Variants in KCNT2 observed in about 807,000 individuals in gnomAD.
KCNT2 encodes potassium channel subfamily T member 2.
In KCNT2, 67 loss-of-function variants were observed where a neutral mutation model predicts 153.8. The observed-to-expected ratio is 0.44, with a 90% confidence interval of 0.36 to 0.53. KCNT2 has a LOEUF of 0.53. KCNT2 is among the 20% of genes least tolerant of loss of function. The probability of loss-of-function intolerance (pLI) is 0.00; values close to 1 mark genes in which losing one functional copy is unlikely to be tolerated. For missense variants in KCNT2, 975 were observed against 1,354.8 expected, an observed-to-expected ratio of 0.72 and a Z score of 4.40; for synonymous variants, 500 against 458.8, an observed-to-expected ratio of 1.09 and a Z score of -1.15.
At chr1:196,426,798 T>C (rs1673690922) in intron 10 of KCNT2, among the ~76,000 whole-genome samples, 1 of 152,006 alleles carries the variant, frequency 6.6e-6, no homozygotes, top group African/African-American at 2.4e-5. Flanking sequence ...AGGGGCCTGA[T>C]GGGAGATGAC....
chr1:196,587,307 A>G (rs1438351318), intron 1 of KCNT2, among the ~76,000 whole-genome samples: 1 of 152,098 alleles, frequency 6.6e-6, no homozygotes, highest in Non-Finnish European at 1.5e-5. Flanking sequence ...TTCATTTTGC[A>G]GATGAGAGCA....
intron 1 of KCNT2, among the ~76,000 whole-genome samples, chr1:196,524,730 G>C (rs1161590035): frequency 2.0e-5 from 3 of 151,994 alleles, no homozygotes; most frequent in African/African-American, 7.2e-5. Context: ...ATTGATAGTG[G>C]TGTTATTAAA....
chr1:196,457,861 C>T (rs967873034), intron 8 of KCNT2, among the ~76,000 whole-genome samples: 2 of 151,864 alleles, frequency 1.3e-5, no homozygotes, highest in African/African-American at 4.8e-5. Flanking sequence ...GAGCCCCCAC[C>T]AGTTAAGTCA....
chr1:196,416,580 A>G (rs1353347302), intron 12 of KCNT2, among the ~76,000 whole-genome samples: 2 of 152,018 alleles, frequency 1.3e-5, no homozygotes, highest in South Asian at 2.1e-4. Flanking sequence ...TTCACTAAAC[A>G]GTTTTTCCAA....
At chr1:196,541,896 AAT>A (rs1656426701) in intron 1 of KCNT2, among the ~76,000 whole-genome samples, 1 of 152,056 alleles carries the variant, frequency 6.6e-6, no homozygotes, top group African/African-American at 2.4e-5. Context: ...TTATTAAATA[AAT>A]ATGTTTTTTG....
chr1:196,265,991 C>T (rs548024787), intron 25 of KCNT2, among the ~76,000 whole-genome samples: 1 of 152,022 alleles, frequency 6.6e-6, no homozygotes, highest in South Asian at 2.1e-4. Flanking sequence ...AAACAACAAA[C>T]AAACAAAAAA....
Position 196,284,479 on chromosome 1 carries a change from G to A in KCNT2, c.2697+1178C>T, listed in dbSNP as rs542586651. Among the ~76,000 whole-genome samples the A allele has an allele frequency of 8.0e-5, 12 of 150,874 alleles. No individual in the cohort carries two copies. In the South Asian group the frequency reaches 2.5e-3, roughly 32 times the overall value. ...CTTACAAGATTTTATTTAAACAGAG[G>A]ATACTGTGGCTAAAAAAATCTTAAA... On this transcript the variant is annotated intron_variant, in intron 23 of 27. Transcript: ENST00000294725.
intron 25 of KCNT2, among the ~76,000 whole-genome samples, chr1:196,279,581 C>T (rs1421360806): frequency 6.6e-6 from 1 of 151,744 alleles, no homozygotes; most frequent in Non-Finnish European, 1.5e-5. Flanking sequence ...CACCACCACA[C>T]CTGACTAATT....
chr1:196,593,263 T>C (rs1047108242), intron 1 of KCNT2, among the ~76,000 whole-genome samples: 1 of 149,120 alleles, frequency 6.7e-6, no homozygotes, highest in Non-Finnish European at 1.5e-5. Context: ...TTCATTCCTT[T>C]TTATGGCTGA....
chr1:196,408,320 T>A (rs1672005269), intron 12 of KCNT2, among the ~76,000 whole-genome samples: 1 of 151,550 alleles, frequency 6.6e-6, no homozygotes, highest in Admixed American at 6.6e-5. Flanking sequence ...AATTTTGCCA[T>A]CTTTGGTAGA....
Position 196,228,081 on chromosome 1 carries a change from G to T in KCNT2, c.*143C>A. 3.4e-6 allele frequency: 2 copies of T among 584,258 alleles called. No individual in the cohort carries two copies. The highest frequency in any genetic ancestry group is 3.0e-6 in the Non-Finnish European group (1 of 328,186). 36.2% of individuals were successfully genotyped at this position (584,258 alleles called of 1,614,324 possible). Reference sequence around the variant, plus strand: ...TAAGTAGTACATTAAGTTTCAAAATGATCTATACTTCTAAGAGAAGAGATT... The same window carrying T: ...TAAGTAGTACATTAAGTTTCAAAATTATCTATACTTCTAAGAGAAGAGATT... On this transcript the variant is annotated 3_prime_UTR_variant, in exon 28 of 28. Coordinates refer to ENST00000294725, the MANE Select transcript of KCNT2 (RefSeq NM_198503.5).
At chr1:196,451,180 C>T (rs115637716) in intron 8 of KCNT2, among the ~76,000 whole-genome samples, 16 of 140,364 alleles carry the variant, frequency 1.1e-4, no homozygotes, top group Non-Finnish European at 1.7e-4. Flanking sequence ...AATAAATATT[C>T]GCATTGTTAG....
At chr1:196,370,016 T>A (rs1207046504) in intron 14 of KCNT2, among the ~76,000 whole-genome samples, 1 of 151,724 alleles carries the variant, frequency 6.6e-6, no homozygotes, top group Non-Finnish European at 1.5e-5. Flanking sequence ...AAAACCACAA[T>A]GAGATACCAT....
chr1:196,234,762 T>G (rs1451394856), intron 27 of KCNT2, among the ~76,000 whole-genome samples: 1 of 151,494 alleles, frequency 6.6e-6, no homozygotes, highest in Non-Finnish European at 1.5e-5. Context: ...CAAAATGTTC[T>G]CAGTCCTGCT....
chr1:196,274,622 T>C (rs756884843), intron 25 of KCNT2, among the ~76,000 whole-genome samples: 34 of 151,822 alleles, frequency 2.2e-4, no homozygotes, highest in Admixed American at 2.6e-4. Context: ...AAAGTGTTAA[T>C]GATTGGCACA....
intron 21 of KCNT2, among the ~76,000 whole-genome samples, chr1:196,308,003 T>C (rs1202946655): frequency 6.6e-6 from 1 of 151,996 alleles, no homozygotes; most frequent in African/African-American, 2.4e-5. Flanking sequence ...AATTCCATCA[T>C]CTGGGGAAAT....
chr1:196,246,681 ATG>A (rs990614175), intron 26 of KCNT2, among the ~76,000 whole-genome samples: 23 of 152,270 alleles, frequency 1.5e-4, no homozygotes, highest in Non-Finnish European at 2.5e-4. Context: ...TTGTTTGTTT[ATG>A]CAATCAGTGT....
At chr1:196,393,219 C>T (rs1044162384) in intron 13 of KCNT2, among the ~76,000 whole-genome samples, 9 of 151,316 alleles carry the variant, frequency 5.9e-5, no homozygotes, top group Middle Eastern at 3.2e-3. Context: ...GAAAATTTGC[C>T]AATTCGATTG....
Position 196,584,104 on chromosome 1 carries a change from G to A in KCNT2, c.95+24111C>T, listed in dbSNP as rs550541569. Among the ~76,000 whole-genome samples, 24 of 151,282 alleles carry A rather than the reference G, an allele frequency of 1.6e-4. No homozygotes were observed. In the South Asian group the frequency reaches 5.0e-3, roughly 32 times the overall value. On this transcript the variant is annotated intron_variant, in intron 1 of 27. Coordinates refer to ENST00000294725, the MANE Select transcript of KCNT2 (RefSeq NM_198503.5). ...AAACTAAAGGAACTATAAAGGCAGG[G>A]TCTGGAACAGGGTATTACCTGGGCA... is the stretch of plus-strand genomic sequence containing the variant.
Sources: gnomAD v4.1 joint callset for allele counts (sites outside exome capture counted in the v4.1 genomes callset) on GRCh38, gnomAD v4.1.1 for gene constraint, MANE v1.5 for transcripts, NCBI Gene and HGNC (gene_info 2026-07-23, HGNC 2026-07-21) for gene names.